PCDH15: variants seen among roughly 807,000 people sequenced by gnomAD.
The protein encoded by PCDH15 is protocadherin-15.
PCDH15 carries 129 observed loss-of-function variants against 178.5 expected under a neutral mutation model. The observed-to-expected ratio is 0.72, with a 90% confidence interval of 0.63 to 0.84. The LOEUF (loss-of-function observed/expected upper bound fraction) is 0.84. Among genes scored for constraint, PCDH15 ranks in the 40% least tolerant of loss-of-function variants. The pLI, the probability that PCDH15 is intolerant of heterozygous loss-of-function variation, is 0.00. For synonymous variants in PCDH15, 800 were observed against 732.0 expected (o/e 1.09, Z -1.50); for missense variants, 2,230 against 2,099.9 (o/e 1.06, Z -1.21).
intron 2 of PCDH15, among the ~76,000 whole-genome samples, chr10:54,626,148 G>T (rs548280482): frequency 6.6e-6 from 1 of 152,272 alleles, no homozygotes; most frequent in African/African-American, 2.4e-5. Context: ...GAGGTGATTT[G>T]GGTGCTGTTA....
chr10:54,242,128 T>TTA (rs2055384740), intron 8 of PCDH15, among the ~76,000 whole-genome samples: 1 of 62,022 alleles, frequency 1.6e-5, no homozygotes, highest in African/African-American at 7.6e-5. Context: ...TGAATTCTAT[T>TTA]TTTATATATA....
chr10:54,078,983 C>T (rs564590645), intron 17 of PCDH15, among the ~76,000 whole-genome samples: 1 of 152,252 alleles, frequency 6.6e-6, no homozygotes, highest in South Asian at 2.1e-4. Flanking sequence ...CTAAGTGTAA[C>T]AGGTTCCAAC....
chr10:53,997,258 G>T (rs1444829805), intron 20 of PCDH15, among the ~76,000 whole-genome samples: 1 of 152,104 alleles, frequency 6.6e-6, no homozygotes, highest in Non-Finnish European at 1.5e-5. Context: ...TAAATGAACC[G>T]AGAAGTTTTA....
At chr10:55,045,197 T>G (rs929062124) in intron 2 of PCDH15, among the ~76,000 whole-genome samples, 2 of 152,114 alleles carry the variant, frequency 1.3e-5, no homozygotes, top group Non-Finnish European at 2.9e-5. Flanking sequence ...TATTTCAAAG[T>G]GTTCATGTCA....
intron 37 of PCDH15, among the ~76,000 whole-genome samples, chr10:53,807,554 A>C (rs1038898122): frequency 6.6e-6 from 1 of 152,138 alleles, no homozygotes; most frequent in African/African-American, 2.4e-5. Context: ...CCCAATATTT[A>C]AAAAATATTT....
intron 2 of PCDH15, among the ~76,000 whole-genome samples, chr10:55,432,929 C>T (rs10159706): frequency 0.072 from 10,962 of 151,654 alleles, 544 homozygotes; most frequent in African/African-American, 0.13. Flanking sequence ...GAGGCTGAGG[C>T]GGGAGAATGG....
At chr10:54,906,117 A>G (rs1591774886) in intron 2 of PCDH15, among the ~76,000 whole-genome samples, 1 of 152,094 alleles carries the variant, frequency 6.6e-6, no homozygotes, top group African/African-American at 2.4e-5. Flanking sequence ...GCATCTAAGC[A>G]ACAAGGGAGA....
Position 54,347,925 on chromosome 10 carries a change from T to C in PCDH15, c.475-1441A>G, listed in dbSNP as rs575209058. Among the ~76,000 whole-genome samples the C allele has an allele frequency of 3.9e-5, 6 of 152,272 alleles. No homozygotes were observed. The East Asian group carries it at 1.2e-3, about 29-fold the overall frequency. ...GTGCAGTGGCACGGTCTCGGCTTAC[T>C]GCAAGCTCTGCCTCCCGGGTTCACG... On this transcript the variant is annotated intron_variant, in intron 5 of 37. Coordinates refer to ENST00000644397, the MANE Select transcript of PCDH15 (RefSeq NM_001384140.1).
At chr10:54,746,421 A>G (rs545208945) in intron 1 of PCDH15, among the ~76,000 whole-genome samples, 1 of 152,324 alleles carries the variant, frequency 6.6e-6, no homozygotes, top group East Asian at 1.9e-4. Context: ...GAGTGACTAC[A>G]GTCTGCAATA....
At chr10:54,196,332 C>G (rs1327551444) in intron 10 of PCDH15, among the ~76,000 whole-genome samples, 1 of 151,784 alleles carries the variant, frequency 6.6e-6, no homozygotes, top group Non-Finnish European at 1.5e-5. Context: ...TTAGTAGAGA[C>G]AGGGTTTCAC....
At position 55,302,722 on chromosome 10, in the gene PCDH15, G is replaced by A. The variant is rs573541199; in HGVS notation, c.-156+16877C>T. Among the ~76,000 whole-genome samples, 61 of 152,220 alleles carry A rather than the reference G, an allele frequency of 4.0e-4. No individual in the cohort carries two copies. The South Asian group carries it at 6.2e-3, about 16-fold the overall frequency. ...AGACTAGCATTTGACCAAATAGCTG[G>A]ATACCATGTCCTAACCTTTATGTAT... On this transcript the variant is annotated intron_variant, in intron 1 of 5. Coordinates refer to the PCDH15 transcript ENST00000458638.
At chr10:54,789,617 T>A (rs936206147) in intron 1 of PCDH15, among the ~76,000 whole-genome samples, 2 of 151,972 alleles carry the variant, frequency 1.3e-5, no homozygotes, top group African/African-American at 2.4e-5. Context: ...ATTAAGATAT[T>A]CAGTAAGCAT....
intron 11 of PCDH15, among the ~76,000 whole-genome samples, chr10:54,194,410 G>A (rs1192269328): frequency 6.6e-6 from 1 of 152,086 alleles, no homozygotes; most frequent in Non-Finnish European, 1.5e-5. Context: ...TATAAGACTA[G>A]TGGCTACTAT....
At chr10:55,624,243 C>G (rs1339790770) in intron 2 of PCDH15, among the ~76,000 whole-genome samples, 1 of 151,602 alleles carries the variant, frequency 6.6e-6, no homozygotes, top group Non-Finnish European at 1.5e-5. Context: ...TAATTTTTTC[C>G]CCAGGGTTCC....
rs180975154 is a variant in PCDH15, at chr10:54,844,571, A to C, written c.-29+52879T>G. On this transcript the variant is annotated intron_variant, in intron 3 of 5. Coordinates refer to the PCDH15 transcript ENST00000458638. ...TCCTGCTTTGGTGGATTTATGATGG[A>C]TTTTCTTCACTCGTGATTTGGTGCA... Among the ~76,000 whole-genome samples the C allele has an allele frequency of 4.6e-5, 7 of 151,482 alleles. No homozygotes were observed. The East Asian group carries it at 1.4e-3, about 29-fold the overall frequency.
chr10:53,866,418 AAAAT>A (rs1356505467), intron 27 of PCDH15, among the ~76,000 whole-genome samples: 5 of 147,514 alleles, frequency 3.4e-5, no homozygotes, highest in Admixed American at 6.9e-5. Flanking sequence ...AAGGTCAAGA[AAAAT>A]AAACACCTTA....
At chr10:55,130,723 G>GTGTGTGTA (rs1554833586) in intron 2 of PCDH15, among the ~76,000 whole-genome samples, 1 of 150,354 alleles carries the variant, frequency 6.7e-6, no homozygotes, top group African/African-American at 2.5e-5. Context: ...GTGTGTGTGT[G>GTGTGTGTA]TGTATATACA....
chr10:54,952,431 G>A (rs768469318), intron 2 of PCDH15, among the ~76,000 whole-genome samples: 1 of 151,750 alleles, frequency 6.6e-6, no homozygotes, highest in Non-Finnish European at 1.5e-5. Flanking sequence ...TTGAAGTCAG[G>A]TTGTGTTGTT....
intron 3 of PCDH15, among the ~76,000 whole-genome samples, chr10:54,830,091 A>G (rs1488890548): frequency 6.6e-6 from 1 of 151,952 alleles, no homozygotes. Flanking sequence ...TTGCTTCTAA[A>G]TTATAATAAC....
Sources: gnomAD v4.1 joint callset for allele counts (sites outside exome capture counted in the v4.1 genomes callset) on GRCh38, gnomAD v4.1.1 for gene constraint, MANE v1.5 for transcripts, NCBI Gene and HGNC (gene_info 2026-07-23, HGNC 2026-07-21) for gene names.